TTC39B: variants seen among roughly 807,000 people sequenced by gnomAD.
The protein encoded by TTC39B is tetratricopeptide repeat domain 39B, also known as tetratricopeptide repeat protein 39B.
TTC39B carries 92 observed loss-of-function variants against 96.6 expected under a neutral mutation model. The observed-to-expected ratio is 0.95, with a 90% CI of 0.80 to 1.13. The LOEUF (loss-of-function observed/expected upper bound fraction) is 1.13. TTC39B is among the 50% of genes most tolerant of loss of function. The pLI is 0.00. For synonymous variants in TTC39B, 367 were observed against 299.4 expected, an observed-to-expected ratio of 1.23 and a Z score of -2.33; for missense variants, 955 against 809.3, an observed-to-expected ratio of 1.18 and a Z score of -2.18.
intron 1 of TTC39B, among the ~76,000 whole-genome samples, chr9:15,275,609 G>C (rs1823514321): frequency 6.6e-6 from 1 of 152,172 alleles, no homozygotes. Context: ...ATACGCCCAT[G>C]ATGAAACCAC....
intron 13 of TTC39B, among the ~76,000 whole-genome samples, chr9:15,189,089 G>A (rs1818701189): frequency 6.6e-6 from 1 of 152,074 alleles, no homozygotes; most frequent in African/African-American, 2.4e-5. Flanking sequence ...TCCCATTTGT[G>A]TGGAAAAAAT....
intron 19 of TTC39B, among the ~76,000 whole-genome samples, chr9:15,174,301 G>A (rs1817813737): frequency 6.6e-6 from 1 of 152,226 alleles, no homozygotes; most frequent in African/African-American, 2.4e-5. Context: ...GTGAATAACT[G>A]CTGAATTTGA....
intron 1 of TTC39B, among the ~76,000 whole-genome samples, chr9:15,294,138 C>A (rs1234952245): frequency 6.6e-6 from 1 of 152,006 alleles, no homozygotes; most frequent in African/African-American, 2.4e-5. Context: ...AGAAGCTGTG[C>A]ACAGATTTTA....
chr9:15,211,337 G>C (rs926400862), exon 5 of TTC39B: 5 of 1,598,504 alleles, frequency 3.1e-6, no homozygotes, highest in Non-Finnish European at 3.4e-6. Flanking sequence ...CGAAGGTCAG[G>C]ACAGCCTGCA....
intron 10 of TTC39B, 141 bp from the exon 11 acceptor site, chr9:15,190,803 T>C: frequency 1.4e-6 from 1 of 706,730 alleles, no homozygotes; most frequent in Non-Finnish European, 2.4e-6. Context: ...GGGCTTTTAG[T>C]GTCCCTATCA....
At chr9:15,199,706 A>G (rs922023803) in intron 8 of TTC39B, among the ~76,000 whole-genome samples, 155 bp downstream of exon 8, 11 of 124,156 alleles carry the variant, frequency 8.9e-5, no homozygotes, top group South Asian at 2.9e-4. Context: ...CTGCACTCCA[A>G]CCTGGGTGAC....
chr9:15,192,966 G>A (rs949401056), intron 8 of TTC39B, among the ~76,000 whole-genome samples: 3 of 152,160 alleles, frequency 2.0e-5, no homozygotes, highest in African/African-American at 7.2e-5. Flanking sequence ...CACCAGCCAG[G>A]AGCCGCAGGA....
Position 15,231,986 on chromosome 9 carries a change from G to T in TTC39B, c.276-5974C>A, listed in dbSNP as rs547444215. Among the ~76,000 whole-genome samples the T allele has an allele frequency of 2.0e-5, 3 of 152,144 alleles. No homozygotes were observed. In the South Asian group the frequency reaches 6.2e-4, roughly 32 times the overall value. On this transcript the variant is annotated intron_variant, in intron 2 of 19. Coordinates refer to ENST00000512701, the Ensembl canonical transcript of TTC39B. ...CACATCTCACCAGGAGCTCCCCCGA[G>T]TCACCCCCACCAGGGCTGGAGCTTG...
In TTC39B at chr9:15,307,107, G is replaced by A; in HGVS notation, c.217C>T (p.Arg73Ter). 1.2e-6 allele frequency: 2 copies of A among 1,610,528 alleles called. No individual in the cohort carries two copies. Among genetic ancestry groups the A allele is most frequent in the Non-Finnish European group, 1.7e-6 (2 of 1,178,444 alleles). ...ACCTCGTCCGCTTCCAGCTCCGCTC[G>A]GCTGCCTAAGAGCGCCATATTCCTC... is the stretch of plus-strand genomic sequence containing the variant. Residue 73 changes from arginine to a stop codon, truncating the protein, a stop_gained, in exon 1 of 20, where the codon CGA (arginine) becomes TGA (stop). Coordinates refer to ENST00000512701, the Ensembl canonical transcript of TTC39B. LOFTEE classifies it high-confidence loss of function.
intron 8 of TTC39B, 93 bp downstream of exon 8, chr9:15,199,768 A>AAAAAC (rs1819420222): frequency 5.3e-6 from 2 of 376,420 alleles, no homozygotes; most frequent in Non-Finnish European, 1.0e-5. Context: ...AAAAAAAAAA[A>AAAAAC]TCCTAGTCAA....
intron 6 of TTC39B, among the ~76,000 whole-genome samples, chr9:15,206,246 G>A (rs1196760615): frequency 1.3e-5 from 2 of 151,930 alleles, no homozygotes; most frequent in Non-Finnish European, 2.9e-5. Flanking sequence ...CAATCCGCCA[G>A]CCACAAGAGA....
intron 3 of TTC39B, among the ~76,000 whole-genome samples, chr9:15,224,790 G>GT (rs1164695940): frequency 2.0e-5 from 3 of 151,868 alleles, no homozygotes; most frequent in African/African-American, 7.3e-5. Context: ...TACACACACA[G>GT]TAAAAAAAAG....
chr9:15,305,199 C>G (rs1824717704), intron 1 of TTC39B, among the ~76,000 whole-genome samples: 1 of 152,198 alleles, frequency 6.6e-6, no homozygotes, highest in Non-Finnish European at 1.5e-5. Context: ...CAACACACTA[C>G]TTCTTACTTG....
intron 2 of TTC39B, among the ~76,000 whole-genome samples, chr9:15,258,230 G>A (rs577858721): frequency 7.9e-5 from 12 of 152,184 alleles, no homozygotes; most frequent in East Asian, 5.8e-4. Context: ...GTAATAGAGC[G>A]GAGAGAGAGG....
At chr9:15,185,609 T>G (rs1016166271) in intron 15 of TTC39B, 14 of 601,980 alleles carry the variant, frequency 2.3e-5, no homozygotes, top group Middle Eastern at 4.8e-4. Flanking sequence ...GCAATCTAGA[T>G]TTTGATAAGC....
chr9:15,248,575 A>G (rs1337719606), intron 2 of TTC39B, among the ~76,000 whole-genome samples: 1 of 151,984 alleles, frequency 6.6e-6, no homozygotes, highest in Non-Finnish European at 1.5e-5. Flanking sequence ...GAGCCTGGCA[A>G]GAGCTTCGTA....
chr9:15,223,840 CAAA>C (rs754309254), intron 3 of TTC39B, among the ~76,000 whole-genome samples: 1 of 129,756 alleles, frequency 7.7e-6, no homozygotes, highest in Admixed American at 7.8e-5. Context: ...ACATGACACT[CAAA>C]AAAAAAAAAA....
At chr9:15,202,976 G>C (rs1819630545) in intron 7 of TTC39B, among the ~76,000 whole-genome samples, 1 of 152,138 alleles carries the variant, frequency 6.6e-6, no homozygotes. Context: ...GGATTGTTTA[G>C]TGACTTCTAA....
intron 2 of TTC39B, among the ~76,000 whole-genome samples, chr9:15,238,615 T>C (rs1034257096): frequency 1.3e-5 from 2 of 152,066 alleles, no homozygotes; most frequent in Admixed American, 1.3e-4. Flanking sequence ...AAAACACTGA[T>C]GAAAGAAATC....
Sources: allele counts gnomAD v4.1 joint callset (sites outside exome capture counted in the v4.1 genomes callset), GRCh38; gene constraint gnomAD v4.1.1; transcripts MANE v1.5; gene names NCBI Gene and HGNC (gene_info 2026-07-23, HGNC 2026-07-21).